The following C8orf34 variants were observed in gnomAD, a reference collection of about 807,000 sequenced individuals.
C8orf34 encodes uncharacterized protein C8orf34.
In C8orf34, 65 loss-of-function variants were observed where a neutral mutation model predicts 68.3. That is an observed-to-expected ratio of 0.95 (90% CI 0.78 to 1.17). The LOEUF is 1.17. Ranked by LOEUF, C8orf34 falls within the 50% of genes most tolerant of loss-of-function variation. The pLI is 0.00. For missense variants in C8orf34, 664 were observed against 655.4 expected, an observed-to-expected ratio of 1.01 and a Z score of -0.14; for synonymous variants, 244 against 241.2, an observed-to-expected ratio of 1.01 and a Z score of -0.11.
intron 7 of C8orf34, among the ~76,000 whole-genome samples, chr8:68,583,858 A>G (rs1402932805): frequency 6.6e-6 from 1 of 152,108 alleles, no homozygotes; most frequent in Non-Finnish European, 1.5e-5. Flanking sequence ...ACGTCATGGG[A>G]CTGCTGCATG....
chr8:68,595,961 A>AT (rs1270670609), intron 7 of C8orf34, among the ~76,000 whole-genome samples: 3 of 151,742 alleles, frequency 2.0e-5, no homozygotes, highest in East Asian at 1.9e-4. Flanking sequence ...CTAATTACTC[A>AT]TTTTTGCTGT....
intron 10 of C8orf34, among the ~76,000 whole-genome samples, chr8:68,775,805 C>T (rs913031290): frequency 3.3e-5 from 5 of 152,160 alleles, no homozygotes; most frequent in African/African-American, 9.7e-5. Context: ...ACTCTAGCTG[C>T]TCATTTGTTA....
intron 10 of C8orf34, among the ~76,000 whole-genome samples, chr8:68,744,835 C>G (rs997357947): frequency 6.6e-6 from 1 of 152,094 alleles, no homozygotes; most frequent in Non-Finnish European, 1.5e-5. Flanking sequence ...GGAGAACTTC[C>G]CCAATCTAGC....
chr8:68,757,100 C>T (rs1433470543), intron 10 of C8orf34, among the ~76,000 whole-genome samples: 1 of 152,102 alleles, frequency 6.6e-6, no homozygotes, highest in Non-Finnish European at 1.5e-5. Context: ...AATTTGATTC[C>T]GTTTTAAAGT....
At chr8:68,457,650 T>C (rs1811610959) in intron 3 of C8orf34, among the ~76,000 whole-genome samples, 1 of 152,172 alleles carries the variant, frequency 6.6e-6, no homozygotes, top group African/African-American at 2.4e-5. Flanking sequence ...CACTCCTTAA[T>C]ATACAATAGG....
intron 8 of C8orf34, among the ~76,000 whole-genome samples, chr8:68,669,307 T>A (rs1819936378): frequency 6.6e-6 from 1 of 152,142 alleles, no homozygotes; most frequent in Admixed American, 6.5e-5. Context: ...TCTCTGTACC[T>A]CCTTTTCAAT....
chr8:68,448,170 G>A (rs569217129), intron 3 of C8orf34, among the ~76,000 whole-genome samples: 1 of 152,010 alleles, frequency 6.6e-6, no homozygotes, highest in Non-Finnish European at 1.5e-5. Flanking sequence ...ATGCCTAAAG[G>A]TCCACTCATT....
At chr8:68,748,634 A>G (rs1822591106) in intron 10 of C8orf34, among the ~76,000 whole-genome samples, 1 of 152,198 alleles carries the variant, frequency 6.6e-6, no homozygotes, top group Admixed American at 6.5e-5. Flanking sequence ...ACACATGAAA[A>G]AATGCTCACC....
chr8:68,385,336 G>T (rs1808216001), intron 1 of C8orf34, among the ~76,000 whole-genome samples: 1 of 152,154 alleles, frequency 6.6e-6, no homozygotes, highest in African/African-American at 2.4e-5. Context: ...CAGTATTCAT[G>T]CTCTCAATCC....
At chr8:68,633,299 G>A (rs938050863) in intron 7 of C8orf34, among the ~76,000 whole-genome samples, 2 of 152,106 alleles carry the variant, frequency 1.3e-5, no homozygotes, top group Admixed American at 6.6e-5. Context: ...AGTAAGAATA[G>A]GGCCAAGTGC....
intron 7 of C8orf34, among the ~76,000 whole-genome samples, chr8:68,578,463 G>T (rs1467538971): frequency 6.6e-6 from 1 of 151,956 alleles, no homozygotes; most frequent in Non-Finnish European, 1.5e-5. Flanking sequence ...TTTTAGATCA[G>T]GAGGGTACCA....
intron 10 of C8orf34, among the ~76,000 whole-genome samples, chr8:68,729,159 T>C (rs1821913379): frequency 6.6e-6 from 1 of 152,224 alleles, no homozygotes. Context: ...TAAATGAATT[T>C]CTTTTTACAA....
intron 5 of C8orf34, among the ~76,000 whole-genome samples, chr8:68,491,253 T>C (rs997295175): frequency 2.0e-5 from 3 of 152,174 alleles, no homozygotes; most frequent in Non-Finnish European, 2.9e-5. Flanking sequence ...TTTTTTTTTT[T>C]TAAGTTGTGG....
In C8orf34 at chr8:68,368,722, G is replaced by A. The variant is rs941635134; in HGVS notation, c.327+37383G>A. 2.6e-5 allele frequency among the ~76,000 whole-genome samples: 4 copies of A among 152,198 alleles called. 1 individual carries two copies. The South Asian group carries it at 8.3e-4, about 32-fold the overall frequency. ...TCTCTATGTATTGAGATTACCATATGATTTTTTTCCCTTTATTCTGCTAAT... is the reference window on the plus strand; with the variant it reads ...TCTCTATGTATTGAGATTACCATATAATTTTTTTCCCTTTATTCTGCTAAT... On this transcript the variant is annotated intron_variant, in intron 1 of 13. Coordinates refer to ENST00000518698, the MANE Select transcript of C8orf34 (RefSeq NM_052958.4).
At chr8:68,695,738 CAT>C (rs1381308571) in intron 8 of C8orf34, 1 of 152,010 alleles carries the variant, frequency 6.6e-6, no homozygotes, top group Non-Finnish European at 1.5e-5. Context: ...GGAGAATTAT[CAT>C]ATGTCTCATG....
At chr8:68,798,460 G>A (rs772239030) in intron 12 of C8orf34, among the ~76,000 whole-genome samples, 15 of 151,966 alleles carry the variant, frequency 9.9e-5, no homozygotes, top group African/African-American at 1.2e-4. Context: ...GTTCTAAAGC[G>A]TCTAAAAAGT....
chr8:68,618,481 C>T (rs986622884), intron 7 of C8orf34, among the ~76,000 whole-genome samples: 1 of 152,070 alleles, frequency 6.6e-6, no homozygotes, highest in Non-Finnish European at 1.5e-5. Flanking sequence ...TCCCAAGTAG[C>T]TGGAACCACA....
chr8:68,478,623 G>A (rs1464386666), intron 4 of C8orf34, among the ~76,000 whole-genome samples: 1 of 152,212 alleles, frequency 6.6e-6, no homozygotes, highest in African/African-American at 2.4e-5. Context: ...AAGGAAAGTG[G>A]TTTAATTGAT....
At chr8:68,368,698 C>A (rs958315597) in intron 1 of C8orf34, among the ~76,000 whole-genome samples, 1 of 152,098 alleles carries the variant, frequency 6.6e-6, no homozygotes, top group Non-Finnish European at 1.5e-5. Context: ...AAAGGTTTTT[C>A]TCTATGTATT....
Sources: gnomAD v4.1 joint callset for allele counts (sites outside exome capture counted in the v4.1 genomes callset) on GRCh38, gnomAD v4.1.1 for gene constraint, MANE v1.5 for transcripts, NCBI Gene and HGNC (gene_info 2026-07-23, HGNC 2026-07-21) for gene names.